Variants in LMO4 observed in about 807,000 individuals in gnomAD.
The protein encoded by LMO4 is LIM domain only 4.
A neutral mutation model predicts 18.5 loss-of-function variants in LMO4; 3 were observed. That is an observed-to-expected ratio of 0.16 (90% confidence interval 0.07 to 0.42). The LOEUF is 0.42. Ranked by LOEUF, LMO4 falls within the 10% of genes least tolerant of loss-of-function variation. LMO4 has a pLI of 0.99. For missense variants in LMO4, 121 were observed against 219.9 expected (o/e 0.55, Z 2.84); for synonymous variants, 100 against 88.1 (o/e 1.14, Z -0.76).
chr1:87,347,594 A>T lies in LMO4; in HGVS notation c.*2798A>T, dbSNP rs1291858532. 1 of 152,218 alleles carries T rather than the reference A, an allele frequency of 6.6e-6. No homozygotes were observed. The highest frequency in any genetic ancestry group is 1.9e-4 in the East Asian group (1 of 5,198). The allele number at this position is 152,218 out of a possible 1,614,324, so 9.4% of individuals were successfully genotyped here. A position where few individuals can be genotyped will look rare whatever the true frequency, so the allele number is the denominator to read the frequency against. ...CACGTCATAGAGCAAGATGGCCCCC[A>T]GTCCCTACAAGCAAGTGCAATTAAA... On this transcript the variant is annotated 3_prime_UTR_variant, in exon 5 of 5. Coordinates refer to ENST00000370544, the MANE Select transcript of LMO4 (RefSeq NM_006769.4).
At chr1:87,329,477 G>A (rs1277883392) in intron 1 of LMO4, among the ~76,000 whole-genome samples, 1 of 152,164 alleles carries the variant, frequency 6.6e-6, no homozygotes, top group Non-Finnish European at 1.5e-5. Flanking sequence ...CTTACAAAAG[G>A]GCTCTTCTTG....
intron 2 of LMO4, among the ~76,000 whole-genome samples, chr1:87,332,954 C>T (rs1408995305): frequency 6.6e-6 from 1 of 152,104 alleles, no homozygotes; most frequent in Non-Finnish European, 1.5e-5. Context: ...TCAATTGAAG[C>T]ATGTTCAGGT....
intron 1 of LMO4, 23 bp from the exon 2 acceptor site, chr1:87,331,989 CT>C: frequency 6.3e-7 from 1 of 1,591,014 alleles, no homozygotes; most frequent in African/African-American, 1.3e-5. Context: ...CTTTCTCTCC[CT>C]GTCCCCTTCC....
rs1650681131 is a variant in LMO4, at chr1:87,347,976, CT to C, written c.*3181del. 1 of 152,164 alleles carries C rather than the reference CT, an allele frequency of 6.6e-6. No homozygotes were observed. The highest frequency in any genetic ancestry group is 2.4e-5 in the African/African-American group (1 of 41,436). 9.4% of individuals were successfully genotyped at this position (152,164 alleles called of 1,614,324 possible). A position where few individuals can be genotyped will look rare whatever the true frequency, so the allele number is the denominator to read the frequency against. On this transcript the variant is annotated 3_prime_UTR_variant, in exon 5 of 5. Transcript: ENST00000370544. ...AAATGAAGTCTGTGAAATTGTCATC[CT>C]CTTAATATTACCTGTATTTAAATTC...
intron 1 of LMO4, among the ~76,000 whole-genome samples, chr1:87,330,022 T>TTC (rs1650089663): frequency 6.7e-6 from 1 of 148,658 alleles, no homozygotes; most frequent in Non-Finnish European, 1.5e-5. Flanking sequence ...TTTTTTTTTT[T>TTC]CCAACTCTAA....
At chr1:87,339,813 C>T (rs1650421574) in intron 3 of LMO4, among the ~76,000 whole-genome samples, 181 bp downstream of exon 3, 1 of 152,140 alleles carries the variant, frequency 6.6e-6, no homozygotes, top group Admixed American at 6.5e-5. Flanking sequence ...CCACGCTTCC[C>T]CTATGCCACA....
In LMO4 at chr1:87,344,810, T is replaced by C. The variant is rs2100570584; in HGVS notation, c.*14T>C. 1.2e-6 allele frequency: 2 copies of C among 1,613,734 alleles called. No individual in the cohort carries two copies. Among genetic ancestry groups the C allele is most frequent in the East Asian group, 4.5e-5 (2 of 44,876 alleles). On this transcript the variant is annotated 3_prime_UTR_variant, in exon 5 of 5. Coordinates refer to ENST00000370544, the MANE Select transcript of LMO4 (RefSeq NM_006769.4). Reference sequence around the variant, plus strand: ...CAGGTCTGCTAAAAGGTCAGAGTAATGCAGAATGCGTGCCTTCATCTCAGA... The same window carrying C: ...CAGGTCTGCTAAAAGGTCAGAGTAACGCAGAATGCGTGCCTTCATCTCAGA...
intron 3 of LMO4, 94 bp from the exon 4 acceptor site, chr1:87,339,953 G>A: frequency 7.2e-7 from 1 of 1,380,510 alleles, no homozygotes; most frequent in East Asian, 2.3e-5. Flanking sequence ...CTCTGTACTT[G>A]ACAGATACCT....
chr1:87,339,660 TAAAA>T, intron 3 of LMO4, 28 bp downstream of exon 3: 1 of 1,220,036 alleles, frequency 8.2e-7, no homozygotes, highest in African/African-American at 1.6e-5. Context: ...CTTTTTTTTT[TAAAA>T]AAAAAATCAT....
At chr1:87,335,661 C>G (rs1326673693) in intron 2 of LMO4, among the ~76,000 whole-genome samples, 1 of 152,036 alleles carries the variant, frequency 6.6e-6, no homozygotes, top group Admixed American at 6.5e-5. Context: ...ATGGAGGCGC[C>G]GCCAGACAGC....
intron 1 of LMO4, chr1:87,331,192 GATCT>G (rs2100773078): frequency 6.6e-6 from 1 of 151,760 alleles, no homozygotes; most frequent in Admixed American, 6.6e-5. Flanking sequence ...AAAGTTCAAT[GATCT>G]ATTATTCTTG....
intron 2 of LMO4, 86 bp from the exon 3 acceptor site, chr1:87,339,450 G>T: frequency 1.1e-6 from 1 of 874,756 alleles, no homozygotes; most frequent in Non-Finnish European, 1.9e-6. Context: ...CATTCCAAAG[G>T]GATGCCCAGA....
At position 87,332,261 on chromosome 1, in the gene LMO4, T is replaced by C. The variant is rs1650177098; in HGVS notation, c.236+10T>C. Reference sequence around the variant, plus strand: ...GAAATGACTACATTAGGTAAGACTTTGCTGTCTTTCCTGGAGATGGGGGGA... The same window carrying C: ...GAAATGACTACATTAGGTAAGACTTCGCTGTCTTTCCTGGAGATGGGGGGA... On this transcript the variant is annotated intron_variant, in intron 2 of 4. Coordinates refer to ENST00000370544, the MANE Select transcript of LMO4 (RefSeq NM_006769.4). The C allele has an allele frequency of 3.1e-6, 5 of 1,598,114 alleles. No individual in the cohort carries two copies. The highest frequency in any genetic ancestry group is 1.7e-5 in the Admixed American group (1 of 59,866).
In LMO4 at chr1:87,348,619, C is replaced by G; in HGVS notation, c.*3823C>G. 1 of 455,644 alleles carries G rather than the reference C, an allele frequency of 2.2e-6. No homozygotes were observed. The highest frequency in any genetic ancestry group is 1.6e-5 in the South Asian group (1 of 64,092). 28.2% of individuals were successfully genotyped at this position (455,644 alleles called of 1,614,324 possible). Reference sequence around the variant, plus strand: ...CCTAGTTAAAGAGGCATTTGTAGCCCTCTGCTCCCATCGTGAACATGCTGA... The same window carrying G: ...CCTAGTTAAAGAGGCATTTGTAGCCGTCTGCTCCCATCGTGAACATGCTGA... On this transcript the variant is annotated 3_prime_UTR_variant, in exon 5 of 5. Coordinates refer to ENST00000370544, the MANE Select transcript of LMO4 (RefSeq NM_006769.4).
At chr1:87,334,030 G>A (rs1650229033) in intron 2 of LMO4, among the ~76,000 whole-genome samples, 1 of 152,098 alleles carries the variant, frequency 6.6e-6, no homozygotes, top group Admixed American at 6.5e-5. Flanking sequence ...ATTCCCCCAG[G>A]ACAAGTTTAG....
In LMO4 at chr1:87,348,581, C is replaced by T; in HGVS notation, c.*3785C>T. ...CTAGCAGCAAAGTGTAGCACATTCG[C>T]CGATGCTGGGTACCTAGTTAAAGAG... On this transcript the variant is annotated 3_prime_UTR_variant, in exon 5 of 5. Transcript: ENST00000370544. 2.4e-6 allele frequency: 1 copy of T among 418,260 alleles called. No homozygotes were observed. Among genetic ancestry groups the T allele is most frequent in the Non-Finnish European group, 4.9e-6 (1 of 205,770 alleles). The allele number at this position is 418,260 out of a possible 1,614,324, so 25.9% of individuals were successfully genotyped here.
At chr1:87,343,277 GC>G (rs1650545153) in intron 4 of LMO4, among the ~76,000 whole-genome samples, 1 of 152,130 alleles carries the variant, frequency 6.6e-6, no homozygotes, top group African/African-American at 2.4e-5. Context: ...ATAATTTTAA[GC>G]TTTTAAATCA....
At chr1:87,341,945 C>T (rs541579156) in intron 4 of LMO4, among the ~76,000 whole-genome samples, 2 of 152,170 alleles carry the variant, frequency 1.3e-5, no homozygotes, top group South Asian at 4.2e-4. Context: ...TTGGAGATAC[C>T]TATTCAGAAT....
rs773401721 is a variant in LMO4, at chr1:87,341,222, C to T, written c.489+1020C>T. On this transcript the variant is annotated intron_variant, in intron 4 of 4. Transcript: ENST00000370544. The stretch of plus-strand genomic sequence containing the variant: ...ACATTGATTCATTTACTCTTTACAG[C>T]GCCACTTGCATGGATATTAAATCTT... 4.6e-5 allele frequency among the ~76,000 whole-genome samples: 7 copies of T among 152,114 alleles called. 1 individual carries two copies. Among genetic ancestry groups the T allele is most frequent in the South Asian group, 2.1e-4 (1 of 4,834 alleles).
Sources: gnomAD v4.1 joint callset for allele counts (sites outside exome capture counted in the v4.1 genomes callset) on GRCh38, gnomAD v4.1.1 for gene constraint, MANE v1.5 for transcripts, NCBI Gene and HGNC (gene_info 2026-07-23, HGNC 2026-07-21) for gene names.